Variants in TOM1L2 observed in about 807,000 individuals in gnomAD.
TOM1L2 encodes target of myb1 like 2 membrane trafficking protein.
In TOM1L2, 31 loss-of-function variants were observed where a neutral mutation model predicts 67.9. That is an observed-to-expected ratio of 0.46 (90% CI 0.34 to 0.62). The LOEUF is 0.62. Ranked by LOEUF, TOM1L2 falls within the 20% of genes least tolerant of loss-of-function variation. The probability of loss-of-function intolerance (pLI) is 0.01; values close to 1 mark genes in which losing one functional copy is unlikely to be tolerated. For synonymous variants in TOM1L2, 256 were observed against 254.0 expected (o/e 1.01, Z -0.07); for missense variants, 606 against 663.5 (o/e 0.91, Z 0.95).
chr17:17,958,972 C>T (rs1415416709), intron 1 of TOM1L2, among the ~76,000 whole-genome samples: 1 of 152,228 alleles, frequency 6.6e-6, no homozygotes, highest in African/African-American at 2.4e-5. Flanking sequence ...GTTCAAAGAA[C>T]TTCCAAGTTG....
At chr17:17,885,699 C>T (rs566538100) in intron 4 of TOM1L2, among the ~76,000 whole-genome samples, 2 of 151,888 alleles carry the variant, frequency 1.3e-5, no homozygotes, top group Non-Finnish European at 2.9e-5. Context: ...CCGAGGCGGA[C>T]GGATCACGAG....
intron 7 of TOM1L2, among the ~76,000 whole-genome samples, chr17:17,876,805 G>A (rs750109036): frequency 2.0e-5 from 3 of 152,194 alleles, no homozygotes; most frequent in Non-Finnish European, 2.9e-5. Flanking sequence ...GCTGCTGCCC[G>A]AAGTCTAACC....
intron 2 of TOM1L2, among the ~76,000 whole-genome samples, chr17:17,905,652 C>T (rs1001393702): frequency 6.6e-6 from 1 of 152,210 alleles, no homozygotes; most frequent in African/African-American, 2.4e-5. Flanking sequence ...AATCTTCCTG[C>T]CTCAGCCTCG....
At chr17:17,883,245 A>T (rs553429875) in intron 5 of TOM1L2, among the ~76,000 whole-genome samples, 2 of 152,258 alleles carry the variant, frequency 1.3e-5, no homozygotes, top group South Asian at 4.1e-4. Flanking sequence ...ACTTGGTACC[A>T]TAAGAATTAC....
At chr17:17,917,737 T>C (rs1481468060) in intron 1 of TOM1L2, among the ~76,000 whole-genome samples, 1 of 151,964 alleles carries the variant, frequency 6.6e-6, no homozygotes, top group Admixed American at 6.6e-5. Context: ...GGAAGACTGC[T>C]TGAGCTCAGG....
At chr17:17,875,374 T>C (rs1034564973) in intron 7 of TOM1L2, among the ~76,000 whole-genome samples, 8 of 151,972 alleles carry the variant, frequency 5.3e-5, no homozygotes, top group African/African-American at 1.9e-4. Context: ...TCCTCTGTGG[T>C]GTCATCACAG....
Position 17,951,212 on chromosome 17 carries a change from G to A in TOM1L2, c.52+21050C>T, listed in dbSNP as rs148859609. ...CTGCAAGGAAAATGACCAGCACCCA[G>A]TAGACGGCAGTTCCCTCGCCCACCC... On this transcript the variant is annotated intron_variant, in intron 1 of 14. Transcript: ENST00000379504. Among the ~76,000 whole-genome samples the A allele has an allele frequency of 1.8e-4, 28 of 152,326 alleles. No homozygotes were observed. In the East Asian group the frequency reaches 5.2e-3, roughly 28 times the overall value.
intron 6 of TOM1L2, among the ~76,000 whole-genome samples, chr17:17,880,062 G>A (rs543764259): frequency 2.0e-5 from 3 of 152,256 alleles, no homozygotes; most frequent in South Asian, 2.1e-4. Flanking sequence ...CTCCCACCAC[G>A]GGAACTTGAG....
chr17:17,896,193 C>T (rs1598287412), intron 3 of TOM1L2, among the ~76,000 whole-genome samples: 6 of 152,196 alleles, frequency 3.9e-5, no homozygotes, highest in East Asian at 1.9e-4. Flanking sequence ...TTCTCAAGGG[C>T]CTTACAGGCA....
At chr17:17,902,561 T>C (rs1447776978) in intron 2 of TOM1L2, among the ~76,000 whole-genome samples, 1 of 152,156 alleles carries the variant, frequency 6.6e-6, no homozygotes, top group Non-Finnish European at 1.5e-5. Flanking sequence ...CACTACCATA[T>C]AGAACTGTTG....
chr17:17,945,661 A>T (rs1395816812), intron 1 of TOM1L2, among the ~76,000 whole-genome samples: 3 of 152,206 alleles, frequency 2.0e-5, no homozygotes. Context: ...AGCAAAAGTG[A>T]CCTTAATATT....
rs111930624 is a variant in TOM1L2, at chr17:17,869,592, T to C, written c.778-119A>G. 5.5e-5 allele frequency: 79 copies of C among 1,425,982 alleles called. No individual in the cohort carries two copies. In the African/African-American group the frequency reaches 8.5e-4, roughly 15 times the overall value. The allele number at this position is 1,425,982 out of a possible 1,614,324, so 88.3% of individuals were successfully genotyped here. The stretch of plus-strand genomic sequence containing the variant: ...CACAAAAGGAGTACATGCTTGTTCA[T>C]AAAACCAGACATGTGCCGAATTCAA... On this transcript the variant is annotated intron_variant, in intron 7 of 14. Transcript: ENST00000379504.
chr17:17,912,358 T>C (rs1228012735), intron 1 of TOM1L2, among the ~76,000 whole-genome samples: 1 of 146,976 alleles, frequency 6.8e-6, no homozygotes, highest in African/African-American at 2.5e-5. Context: ...ACGGGGTGGC[T>C]GCCGGGCGGA....
At chr17:17,884,160 C>A (rs113911262) in intron 5 of TOM1L2, among the ~76,000 whole-genome samples, 2 of 152,156 alleles carry the variant, frequency 1.3e-5, no homozygotes, top group African/African-American at 4.8e-5. Context: ...AATCCAGAAT[C>A]AATTCTGGAT....
intron 2 of TOM1L2, among the ~76,000 whole-genome samples, chr17:17,907,218 T>C (rs917889222): frequency 2.6e-5 from 4 of 152,058 alleles, no homozygotes; most frequent in African/African-American, 9.7e-5. Context: ...TAAAAGCAGG[T>C]GATTAAAGGA....
chr17:17,861,842 T>C, intron 11 of TOM1L2: 1 of 314,082 alleles, frequency 3.2e-6, no homozygotes. Flanking sequence ...TGAGCATCTC[T>C]GAAGCTGAAT....
chr17:17,957,906 C>A (rs533553346), intron 1 of TOM1L2, among the ~76,000 whole-genome samples: 1 of 151,514 alleles, frequency 6.6e-6, no homozygotes, highest in African/African-American at 2.4e-5. Flanking sequence ...CTGGCTAACA[C>A]GGTGAAACCC....
At chr17:17,854,241 T>C (rs898412000) in intron 12 of TOM1L2, among the ~76,000 whole-genome samples, 1 of 152,198 alleles carries the variant, frequency 6.6e-6, no homozygotes, top group Non-Finnish European at 1.5e-5. Flanking sequence ...TGTACACTGC[T>C]TGGAAAATAT....
At chr17:17,881,609 C>G (rs2144043270) in intron 6 of TOM1L2, among the ~76,000 whole-genome samples, 1 of 152,304 alleles carries the variant, frequency 6.6e-6, no homozygotes, top group South Asian at 2.1e-4. Flanking sequence ...ACAATGAGGA[C>G]CTCTTCCATC....
Sources: gnomAD v4.1 joint callset for allele counts (sites outside exome capture counted in the v4.1 genomes callset) on GRCh38, gnomAD v4.1.1 for gene constraint, MANE v1.5 for transcripts, NCBI Gene and HGNC (gene_info 2026-07-23, HGNC 2026-07-21) for gene names.